The following TBPL1 variants were observed in gnomAD, a reference collection of about 807,000 sequenced individuals.
The protein encoded by TBPL1 is TATA box-binding protein-like 1.
Under a neutral mutation model 22.1 loss-of-function variants are expected in TBPL1, and 4 were observed. The ratio of observed to expected loss-of-function variants is 0.18; its 90% CI spans 0.09 to 0.41. The LOEUF (loss-of-function observed/expected upper bound fraction) is 0.41, where lower values mean the gene tolerates loss of function less well. Ranked by LOEUF, TBPL1 falls within the 10% of genes least tolerant of loss-of-function variation. The pLI is 1.00. For synonymous variants in TBPL1, 64 were observed against 71.0 expected, an observed-to-expected ratio of 0.90 and a Z score of 0.50; for missense variants, 115 against 222.3, an observed-to-expected ratio of 0.52 and a Z score of 3.07.
At chr6:133,979,435 C>T (rs1776370204) in intron 1 of TBPL1, among the ~76,000 whole-genome samples, 1 of 152,050 alleles carries the variant, frequency 6.6e-6, no homozygotes, top group Non-Finnish European at 1.5e-5. Flanking sequence ...AACCCTTGAA[C>T]GTGGTGCATT....
At chr6:133,963,819 A>G (rs1197394155) in intron 1 of TBPL1, among the ~76,000 whole-genome samples, 2 of 151,072 alleles carry the variant, frequency 1.3e-5, no homozygotes, top group East Asian at 3.9e-4. Flanking sequence ...TCACAAGGTC[A>G]GGAGATCGAG....
upstream of TBPL1, chr6:133,952,841 T>C (rs1050289870): frequency 6.6e-6 from 1 of 152,050 alleles, no homozygotes; most frequent in Non-Finnish European, 1.5e-5. This position sits in a 1 kb window ranked among gnomAD's most constrained non-coding sequence, Gnocchi z 4.5. Context: ...TCCACCTAAA[T>C]ATTCGACTGT....
rs1776498285 is a variant in TBPL1 at position 133,985,319 on chromosome 6, T to TCC, written c.481+648_481+649insCC. Among the ~76,000 whole-genome samples the TCC allele has an allele frequency of 3.5e-5, 2 of 57,310 alleles. 1 individual carries two copies. The highest frequency in any genetic ancestry group is 1.1e-4 in the African/African-American group (2 of 18,534). The allele number at this position is 57,310 out of a possible 152,430, so 37.6% of individuals were successfully genotyped here. ...AAAAATATATATATATATATATATATATATATATATATATATATACACACA... is the reference window on the plus strand; with the variant it reads ...AAAAATATATATATATATATATATATCCATATATATATATATATATACACACA... On this transcript the variant is annotated intron_variant, in intron 6 of 6. Transcript: ENST00000237264.
chr6:133,984,581 GA>G lies in TBPL1; in HGVS notation c.393del (p.Glu131AspfsTer12). 6.2e-7 allele frequency: 1 copy of G among 1,612,966 alleles called. No homozygotes were observed. On this transcript the variant is annotated frameshift_variant, in exon 6 of 7. Coordinates refer to ENST00000237264, the MANE Select transcript of TBPL1 (RefSeq NM_004865.4). LOFTEE classifies it high-confidence loss of function. ...ATTGTGGCTTATTTTGTGTAGTTAC[GA>G]ACCTGAACTTCATCCTGCTGTGTGC... ...TKNNRPHASY[E>X]PELHPAVCYR...
chr6:133,985,779 G>T (rs1289477243), intron 6 of TBPL1: 1 of 152,110 alleles, frequency 6.6e-6, no homozygotes, highest in African/African-American at 2.4e-5. Context: ...CATCCCATGG[G>T]TTTTTCCATC....
chr6:133,984,341 A>G (rs1353935061), intron 4 of TBPL1, 35 bp from the exon 5 acceptor site: 6 of 1,515,932 alleles, frequency 4.0e-6, no homozygotes, highest in Middle Eastern at 2.3e-4. Flanking sequence ...GTTTGTTTCA[A>G]AATAAATTTA....
intron 3 of TBPL1, 34 bp from the exon 4 acceptor site, chr6:133,982,783 A>G (rs574308013): frequency 6.2e-7 from 1 of 1,602,748 alleles, no homozygotes; most frequent in African/African-American, 1.3e-5. Context: ...TTTCCTGTGT[A>G]ACTGATAATC....
chr6:133,963,245 A>G (rs1490016694), intron 1 of TBPL1, among the ~76,000 whole-genome samples: 3 of 152,310 alleles, frequency 2.0e-5, no homozygotes, highest in African/African-American at 7.2e-5. Context: ...GGAGAGGGAA[A>G]TTCCATTATT....
intron 1 of TBPL1, among the ~76,000 whole-genome samples, chr6:133,974,494 C>T (rs1048429804): frequency 4.6e-5 from 7 of 152,248 alleles, no homozygotes; most frequent in Middle Eastern, 3.4e-3. Flanking sequence ...CCACCACGCC[C>T]GGCTGATTTT....
At chr6:133,970,950 A>G (rs1776209970) in intron 1 of TBPL1, among the ~76,000 whole-genome samples, 1 of 152,188 alleles carries the variant, frequency 6.6e-6, no homozygotes, top group Non-Finnish European at 1.5e-5. Context: ...TGGTAAGAAC[A>G]GTCAAAAGCC....
rs553566496 is a variant in TBPL1 at position 133,974,218 on chromosome 6, T to G, written c.-44-5864T>G. ...AGCTTTATAATTTATAAACTCCATT[T>G]AGTAGTCTATTATATAAGACTGTAC... On this transcript the variant is annotated intron_variant, in intron 1 of 6. Coordinates refer to ENST00000237264, the MANE Select transcript of TBPL1 (RefSeq NM_004865.4). Among the ~76,000 whole-genome samples, 12 of 152,352 alleles carry G rather than the reference T, an allele frequency of 7.9e-5. No individual in the cohort carries two copies. In the East Asian group the frequency reaches 2.3e-3, roughly 29 times the overall value.
intron 2 of TBPL1, among the ~76,000 whole-genome samples, chr6:133,980,633 G>A (rs777526253): frequency 6.6e-6 from 1 of 151,300 alleles, no homozygotes; most frequent in Non-Finnish European, 1.5e-5. Flanking sequence ...TATTTTAATT[G>A]TCATATTCTT....
intron 1 of TBPL1, among the ~76,000 whole-genome samples, chr6:133,959,543 G>A (rs1206221836): frequency 2.4e-4 from 37 of 151,858 alleles, no homozygotes; most frequent in Admixed American, 2.3e-3. Flanking sequence ...GTGCAGTGGC[G>A]CGATCTCGGC....
chr6:133,984,510 A>G (rs1776473656), intron 5 of TBPL1, 31 bp downstream of exon 5: 3 of 1,611,398 alleles, frequency 1.9e-6, no homozygotes, highest in Non-Finnish European at 2.5e-6. Flanking sequence ...ATCTTGAGAA[A>G]TTACCAAATT....
At chr6:133,959,275 A>G (rs1217973687) in intron 1 of TBPL1, among the ~76,000 whole-genome samples, 1 of 152,050 alleles carries the variant, frequency 6.6e-6, no homozygotes, top group Non-Finnish European at 1.5e-5. Flanking sequence ...TCTGACCTCA[A>G]GTGATCTGCC....
chr6:133,960,046 A>G (rs574456000), intron 1 of TBPL1, among the ~76,000 whole-genome samples: 2 of 152,156 alleles, frequency 1.3e-5, no homozygotes, highest in South Asian at 2.1e-4. Context: ...CCTCTCACCT[A>G]CTTATGGCTG....
chr6:133,958,209 G>C (rs1356244367), intron 1 of TBPL1, among the ~76,000 whole-genome samples: 3 of 152,168 alleles, frequency 2.0e-5, no homozygotes, highest in African/African-American at 7.2e-5. Context: ...TTGTTTAGCT[G>C]TATGATACTT....
chr6:133,961,127 A>G (rs1043072545), intron 1 of TBPL1, among the ~76,000 whole-genome samples: 4 of 152,168 alleles, frequency 2.6e-5, no homozygotes, highest in African/African-American at 9.7e-5. Context: ...GAGGCTACTC[A>G]GATTCTTATT....
intron 6 of TBPL1, among the ~76,000 whole-genome samples, chr6:133,985,538 T>A (rs1243830645): frequency 6.6e-6 from 1 of 151,734 alleles, no homozygotes; most frequent in Non-Finnish European, 1.5e-5. Context: ...GAAAGGGTGG[T>A]TTCAGAAAAC....
Sources: gnomAD v4.1 joint callset for allele counts (sites outside exome capture counted in the v4.1 genomes callset) on GRCh38, gnomAD v4.1.1 for gene constraint, Gnocchi (gnomAD v3.1) non-coding constraint, MANE v1.5 for transcripts, NCBI Gene and HGNC (gene_info 2026-07-23, HGNC 2026-07-21) for gene names.